SPATA31H1: variants seen among roughly 807,000 people sequenced by gnomAD.
SPATA31H1 encodes the protein spermatogenesis-associated protein 31H1.
chr2:27,556,707 AT>A, the SPATA31H1 span, among the ~76,000 whole-genome samples: 1,002 of 118,910 alleles, frequency 8.4e-3, 28 homozygotes, highest in African/African-American at 0.032. Flanking sequence ...TTTTTTTTTA[AT>A]TAATTTATTT....
the SPATA31H1 span, chr2:27,572,407 G>T: frequency 1.0e-5 from 4 of 397,038 alleles, no homozygotes; most frequent in Non-Finnish European, 1.8e-5. Context: ...TCACAATCTC[G>T]AAGTGTCAAA....
the SPATA31H1 span, among the ~76,000 whole-genome samples, chr2:27,564,478 T>C: frequency 2.6e-5 from 4 of 152,176 alleles, no homozygotes; most frequent in African/African-American, 9.7e-5. Flanking sequence ...TTTTGGCCTG[T>C]AAGGATTTCC....
At chr2:27,580,130 A>T in the SPATA31H1 span, 1 of 1,614,172 alleles carries the variant, frequency 6.2e-7, no homozygotes. Flanking sequence ...AAAGAGATAG[A>T]CCCGTCATAC....
At chr2:27,554,605 G>A in the SPATA31H1 span, among the ~76,000 whole-genome samples, 6 of 142,938 alleles carry the variant, frequency 4.2e-5, no homozygotes, top group African/African-American at 1.5e-4. Flanking sequence ...ACAGAGTCTT[G>A]CTCTGTTGCC....
the SPATA31H1 span, chr2:27,582,245 G>A: frequency 1.9e-6 from 3 of 1,613,694 alleles, no homozygotes; most frequent in Middle Eastern, 3.3e-4. Flanking sequence ...CCTCCGGGAT[G>A]AGGCAAGGGA....
At chr2:27,545,246 C>T in the SPATA31H1 span, among the ~76,000 whole-genome samples, 1 of 151,972 alleles carries the variant, frequency 6.6e-6, no homozygotes, top group Non-Finnish European at 1.5e-5. Context: ...AGGTTTCGAA[C>T]TCCTGACCTC....
At chr2:27,558,926 A>AGG in the SPATA31H1 span, among the ~76,000 whole-genome samples, 8 of 17,010 alleles carry the variant, frequency 4.7e-4, no homozygotes, top group East Asian at 4.3e-3. Flanking sequence ...AGGGAGGGGG[A>AGG]GGGAGAGGGA....
At chr2:27,578,825 A>T in the SPATA31H1 span, 3 of 1,614,020 alleles carry the variant, frequency 1.9e-6, no homozygotes. Context: ...CTGAATTAGG[A>T]GGACTTTGGG....
At chr2:27,582,111 A>G in the SPATA31H1 span, 2 of 1,613,686 alleles carry the variant, frequency 1.2e-6, no homozygotes, top group South Asian at 1.1e-5. Context: ...GAGAAGTCAC[A>G]GTCCCTCAGA....
the SPATA31H1 span, among the ~76,000 whole-genome samples, chr2:27,540,400 AC>A: frequency 1.5e-5 from 1 of 68,726 alleles, no homozygotes; most frequent in Non-Finnish European, 3.0e-5. Context: ...CGGGGGGCTG[AC>A]CCCCCCACCT....
At chr2:27,542,804 G>C in the SPATA31H1 span, among the ~76,000 whole-genome samples, 1 of 151,966 alleles carries the variant, frequency 6.6e-6, no homozygotes, top group African/African-American at 2.4e-5. Flanking sequence ...AAAACAAAAA[G>C]ACAACATACA....
the SPATA31H1 span, chr2:27,568,566 A>G: frequency 2.5e-6 from 1 of 398,930 alleles, no homozygotes; most frequent in African/African-American, 2.1e-5. Flanking sequence ...CTTGACCCCA[A>G]GTTCACAGTT....
At chr2:27,577,927 A>C in the SPATA31H1 span, 1 of 1,614,152 alleles carries the variant, frequency 6.2e-7, no homozygotes, top group East Asian at 2.2e-5. This position sits in a 1 kb window ranked among gnomAD's most constrained non-coding sequence, Gnocchi z 4.5. Context: ...GGGCTAACAA[A>C]GTCAAAGAAT....
chr2:27,567,199 A>G, the SPATA31H1 span: 1 of 634,042 alleles, frequency 1.6e-6, no homozygotes, highest in Non-Finnish European at 2.9e-6. Flanking sequence ...TCAGATCATG[A>G]GCCAAATTCT....
At chr2:27,579,635 G>T in the SPATA31H1 span, 9 of 1,614,116 alleles carry the variant, frequency 5.6e-6, no homozygotes, top group South Asian at 5.5e-5. Flanking sequence ...CATGTGCAGG[G>T]GGCCAGCTTC....
At chr2:27,579,697 A>T in the SPATA31H1 span, 1 of 1,614,208 alleles carries the variant, frequency 6.2e-7, no homozygotes, top group Non-Finnish European at 8.5e-7. Flanking sequence ...GATAGAGAAG[A>T]TCTTGTTCCA....
At chr2:27,576,120 A>G in the SPATA31H1 span, 1 of 402,002 alleles carries the variant, frequency 2.5e-6, no homozygotes, top group African/African-American at 2.1e-5. Context: ...ATTGCAATGT[A>G]TAGATTCTAT....
chr2:27,542,967 C>T, the SPATA31H1 span, among the ~76,000 whole-genome samples: 1 of 151,846 alleles, frequency 6.6e-6, no homozygotes, highest in South Asian at 2.1e-4. Flanking sequence ...GTCCCAGCTA[C>T]TAGGGAGTCC....
chr2:27,576,106 TA>T, the SPATA31H1 span: 2 of 400,508 alleles, frequency 5.0e-6, no homozygotes, highest in Admixed American at 8.6e-5. Context: ...AATCCAGGGC[TA>T]AAATTGCAAT....
Sources: gnomAD v4.1 joint callset for allele counts (sites outside exome capture counted in the v4.1 genomes callset) on GRCh38, gnomAD v4.1.1 for gene constraint, Gnocchi (gnomAD v3.1) non-coding constraint, MANE v1.5 for transcripts, NCBI Gene and HGNC (gene_info 2026-07-23, HGNC 2026-07-21) for gene names.